Variants in JPT2 observed in about 807,000 individuals in gnomAD.
JPT2 encodes CRAMP_1 like.
A neutral mutation model predicts 15.9 loss-of-function variants in JPT2; 9 were observed. The observed-to-expected ratio is 0.57, with a 90% CI of 0.34 to 0.99. The LOEUF (loss-of-function observed/expected upper bound fraction) is 0.99, where lower values mean the gene tolerates loss of function less well. Ranked by LOEUF, JPT2 falls within the 50% of genes least tolerant of loss-of-function variation. The pLI is 0.02. For missense variants in JPT2, 267 were observed against 252.1 expected (o/e 1.06, Z -0.40); for synonymous variants, 95 against 91.7 (o/e 1.04, Z -0.21).
At chr16:1,680,569 G>A in intron 1 of JPT2, 1 of 1,080,998 alleles carries the variant, frequency 9.3e-7, no homozygotes, top group South Asian at 1.9e-5. Flanking sequence ...ACGGGGTCGA[G>A]TCGCAGGGCG....
intron 1 of JPT2, among the ~76,000 whole-genome samples, chr16:1,682,239 C>CTGGGTGT: frequency 6.6e-6 from 1 of 150,804 alleles, no homozygotes; most frequent in Non-Finnish European, 1.5e-5. Flanking sequence ...TAGCCAAGCA[C>CTGGGTGT]GGTGACGCAC....
chr16:1,701,232 A>G lies in JPT2; in HGVS notation c.*2234A>G, dbSNP rs2037178278. The G allele has an allele frequency of 6.6e-6, 1 of 152,670 alleles. No homozygotes were observed. Among genetic ancestry groups the G allele is most frequent in the African/African-American group, 2.4e-5 (1 of 41,458 alleles). 9.5% of individuals were successfully genotyped at this position (152,670 alleles called of 1,614,324 possible). A position where few individuals can be genotyped will look rare whatever the true frequency, so the allele number is the denominator to read the frequency against. On this transcript the variant is annotated 3_prime_UTR_variant, in exon 5 of 5. Transcript: ENST00000248098. ...CTCACCCTCTAAGCTGCATTGAGAAATGACTCGTCTCTGTATTTGTATTAA... is the reference window on the plus strand; with the variant it reads ...CTCACCCTCTAAGCTGCATTGAGAAGTGACTCGTCTCTGTATTTGTATTAA...
chr16:1,683,208 C>T (rs2037038019), intron 1 of JPT2, among the ~76,000 whole-genome samples: 1 of 152,046 alleles, frequency 6.6e-6, no homozygotes, highest in Admixed American at 6.6e-5. Context: ...GATCTCCTGA[C>T]CTCGTGATCC....
At chr16:1,691,658 A>T (rs956472357) in intron 2 of JPT2, among the ~76,000 whole-genome samples, 185 bp from the exon 3 acceptor site, 18 of 151,846 alleles carry the variant, frequency 1.2e-4, no homozygotes, top group African/African-American at 4.4e-4. Flanking sequence ...TGATCCAGCC[A>T]TGGTTTTCAG....
chr16:1,680,676 ATC>A (rs1028465526), intron 1 of JPT2: 1 of 193,270 alleles, frequency 5.2e-6, no homozygotes, highest in Non-Finnish European at 1.0e-5. Flanking sequence ...GAGACCTCAC[ATC>A]TCTCCTTTCC....
rs748175351 is a variant in JPT2, at chr16:1,691,844, G to C, written c.195G>C (p.Gly65=). 3.7e-6 allele frequency: 6 copies of C among 1,613,384 alleles called. No homozygotes were observed. The highest frequency in any genetic ancestry group is 3.3e-5 in the Admixed American group (2 of 59,994). The part of the protein sequence containing the change: ...QNIPKRTNPP[G]GKGSGIFDES... ...AGTGTTCTGTGATCGTTTCTGCAGG[G>C]GGTAAAGGAAGTGGTATCTTTGACG... is the stretch of plus-strand genomic sequence containing the variant. The change falls in exon 3 of 5, where the codon GGG becomes GGC. Residue 65 remains glycine (G), a splice_region_variant and synonymous_variant. Transcript: ENST00000248098.
chr16:1,690,229 A>G (rs2037095243), intron 2 of JPT2: 1 of 152,198 alleles, frequency 6.6e-6, no homozygotes, highest in South Asian at 2.1e-4. Context: ...CCCCCAGCCG[A>G]GCCTCATCTC....
At chr16:1,678,823 A>G (rs142129802) in intron 1 of JPT2, among the ~76,000 whole-genome samples, 2 of 152,142 alleles carry the variant, frequency 1.3e-5, no homozygotes, top group Non-Finnish European at 2.9e-5. Flanking sequence ...GTGTCTGGCC[A>G]TGCCCCCGCT....
intron 1 of JPT2, chr16:1,680,523 G>T: frequency 8.1e-7 from 1 of 1,227,362 alleles, no homozygotes; most frequent in Non-Finnish European, 1.1e-6. Flanking sequence ...TTCTGCTTGG[G>T]GTCCACCAGA....
intron 2 of JPT2, among the ~76,000 whole-genome samples, chr16:1,687,224 C>A (rs2037073429): frequency 6.6e-6 from 1 of 152,146 alleles, no homozygotes; most frequent in Non-Finnish European, 1.5e-5. Flanking sequence ...TGGGCTCAAG[C>A]CATCTGCCCA....
At chr16:1,682,775 CTTG>C (rs2037033952) in intron 1 of JPT2, among the ~76,000 whole-genome samples, 1 of 152,162 alleles carries the variant, frequency 6.6e-6, no homozygotes, top group Non-Finnish European at 1.5e-5. Context: ...CACCTAAAAT[CTTG>C]TTAAGCCACG....
chr16:1,684,536 T>G (rs952262937), intron 1 of JPT2, among the ~76,000 whole-genome samples: 3 of 151,822 alleles, frequency 2.0e-5, no homozygotes, highest in Non-Finnish European at 4.4e-5. Flanking sequence ...AGGTCAGGAG[T>G]TCGAGACCAA....
chr16:1,683,132 A>T (rs990049957), intron 1 of JPT2, among the ~76,000 whole-genome samples: 1 of 151,914 alleles, frequency 6.6e-6, no homozygotes, highest in African/African-American at 2.4e-5. Flanking sequence ...GTCCGCCACC[A>T]CGCCCGGCTA....
intron 3 of JPT2, among the ~76,000 whole-genome samples, chr16:1,693,741 G>C (rs1213853302): frequency 1.3e-5 from 2 of 151,572 alleles, no homozygotes; most frequent in Non-Finnish European, 2.9e-5. Flanking sequence ...TTCCAGGTCA[G>C]GGTCAGGGAA....
In JPT2 at chr16:1,691,822, G is replaced by A. The variant is rs374425278; in HGVS notation, c.194-21G>A. ...TCCGGTGGACGTCTGGTTGCTCAGTGTTCTGTGATCGTTTCTGCAGGGGGT... is the reference window on the plus strand; with the variant it reads ...TCCGGTGGACGTCTGGTTGCTCAGTATTCTGTGATCGTTTCTGCAGGGGGT... On this transcript the variant is annotated intron_variant, in intron 2 of 4. Coordinates refer to ENST00000248098, the MANE Select transcript of JPT2 (RefSeq NM_144570.3). 2.8e-4 allele frequency: 454 copies of A among 1,609,390 alleles called. 1 individual carries two copies. Among genetic ancestry groups the A allele is most frequent in the Non-Finnish European group, 3.6e-4 (428 of 1,178,190 alleles).
chr16:1,692,128 T>A (rs2037107854), intron 3 of JPT2, 143 bp downstream of exon 3: 2 of 1,123,802 alleles, frequency 1.8e-6, no homozygotes, highest in Admixed American at 4.8e-5. Context: ...GCATTAGTCA[T>A]CGAGTTTGGA....
Position 1,700,174 on chromosome 16 carries a change from C to A in JPT2, c.*1176C>A, listed in dbSNP as rs1239872762. 1 of 456,052 alleles carries A rather than the reference C, an allele frequency of 2.2e-6. No homozygotes were observed. The highest frequency in any genetic ancestry group is 4.4e-6 in the Non-Finnish European group (1 of 226,772). 28.3% of individuals were successfully genotyped at this position (456,052 alleles called of 1,614,324 possible). A position where few individuals can be genotyped will look rare whatever the true frequency, so the allele number is the denominator to read the frequency against. ...CTTCTGGATCTAACTCACAAACAAG[C>A]TTCCAGAAGAGACTAGAGACCTTAG... On this transcript the variant is annotated 3_prime_UTR_variant, in exon 5 of 5. Coordinates refer to ENST00000248098, the MANE Select transcript of JPT2 (RefSeq NM_144570.3).
At chr16:1,694,448 A>G (rs2037126666) in intron 3 of JPT2, among the ~76,000 whole-genome samples, 1 of 152,272 alleles carries the variant, frequency 6.6e-6, no homozygotes, top group Non-Finnish European at 1.5e-5. Context: ...GTAGCCCTAT[A>G]AGAGTCCTAA....
Position 1,701,951 on chromosome 16 carries a change from C to T in JPT2, c.*2953C>T, listed in dbSNP as rs191084488. On this transcript the variant is annotated 3_prime_UTR_variant, in exon 5 of 5. Transcript: ENST00000248098. ...CAGCTACTCGGGAGGCTGAGTGAGG[C>T]AGGAGGATCACTTGAGACCAGGAGG... 199 of 339,942 alleles carry T rather than the reference C, an allele frequency of 5.9e-4. No homozygotes were observed. Among genetic ancestry groups the T allele is most frequent in the African/African-American group, 4.0e-3 (185 of 46,814 alleles). The allele number at this position is 339,942 out of a possible 1,614,324, so 21.1% of individuals were successfully genotyped here.
Sources: allele counts gnomAD v4.1 joint callset (sites outside exome capture counted in the v4.1 genomes callset), GRCh38; gene constraint gnomAD v4.1.1; transcripts MANE v1.5; gene names NCBI Gene and HGNC (gene_info 2026-07-23, HGNC 2026-07-21).